The following CA4 variants were observed in gnomAD, a reference collection of about 807,000 sequenced individuals.
CA4 encodes CA-IV.
CA4 carries 24 observed loss-of-function variants against 34.5 expected under a neutral mutation model. The observed-to-expected ratio is 0.70, with a 90% confidence interval of 0.50 to 0.98. CA4 has a LOEUF of 0.98. Ranked by LOEUF, CA4 falls within the 50% of genes least tolerant of loss-of-function variation. The pLI is 0.00. For synonymous variants in CA4, 178 were observed against 170.6 expected (o/e 1.04, Z -0.34); for missense variants, 394 against 396.7 (o/e 0.99, Z 0.06).
chr17:60,156,447 C>T, intron 2 of CA4, 113 bp from the exon 3 acceptor site: 2 of 1,078,670 alleles, frequency 1.9e-6, no homozygotes, highest in Non-Finnish European at 2.9e-6. Flanking sequence ...CAGGCCACCC[C>T]AAAGCGTTTC....
At chr17:60,176,341 T>C in the CA4 span, among the ~76,000 whole-genome samples, 1 of 152,034 alleles carries the variant, frequency 6.6e-6, no homozygotes, top group Non-Finnish European at 1.5e-5. Context: ...GCCTGAGTGT[T>C]CGGTATTTTA....
chr17:60,167,549 A>C (rs1366239548), intron 5 of CA4, among the ~76,000 whole-genome samples: 1 of 152,212 alleles, frequency 6.6e-6, no homozygotes, highest in Non-Finnish European at 1.5e-5. Context: ...TAAAAGGAAA[A>C]ATGATAGCAA....
intron 2 of CA4, among the ~76,000 whole-genome samples, chr17:60,155,940 C>T (rs890040200): frequency 3.9e-5 from 6 of 152,138 alleles, no homozygotes; most frequent in Admixed American, 6.5e-5. Flanking sequence ...CTGACCAATT[C>T]GAATGCAAAC....
chr17:60,162,465 C>A (rs1197958660), downstream of CA4, among the ~76,000 whole-genome samples: 1 of 151,970 alleles, frequency 6.6e-6, no homozygotes, highest in African/African-American at 2.4e-5. Flanking sequence ...GGAGAACCCC[C>A]TTATTCACAA....
intron 4 of CA4, 46 bp downstream of exon 4, chr17:60,157,618 G>T (rs200329754): frequency 1.2e-6 from 2 of 1,613,998 alleles, no homozygotes; most frequent in Admixed American, 3.3e-5. Context: ...CTCTGGGCGC[G>T]CACCTGCCTT....
rs118027707 is a variant in CA4 at position 60,155,609 on chromosome 17, A to C, written c.112+242A>C. ...GAAACACACACACAACACACACACA[A>C]GCACACACTCAAACACTCACACTCA... On this transcript the variant is annotated intron_variant, in intron 2 of 7. Transcript: ENST00000300900. Among the ~76,000 whole-genome samples, 1,255 of 149,764 alleles carry C rather than the reference A, an allele frequency of 8.4e-3. 8 individuals carry two copies. Among genetic ancestry groups the C allele is most frequent in the Middle Eastern group, 0.017 (5 of 294 alleles).
At chr17:60,156,763 A>G (rs1319094835) in intron 3 of CA4, 48 bp downstream of exon 3, 3 of 1,553,298 alleles carry the variant, frequency 1.9e-6, no homozygotes. Context: ...CGAGTTCCCC[A>G]AGGACTGAGA....
chr17:60,150,169 T>TC, intron 1 of CA4, 77 bp downstream of exon 1: 4 of 1,258,454 alleles, frequency 3.2e-6, no homozygotes, highest in South Asian at 1.3e-5. Context: ...CTGCAGAGGA[T>TC]CCCCCCGCGG....
intron 5 of CA4, among the ~76,000 whole-genome samples, chr17:60,165,380 A>G (rs1364704089): frequency 1.3e-5 from 2 of 152,132 alleles, no homozygotes; most frequent in African/African-American, 4.8e-5. Context: ...CACCCAGAGC[A>G]TCAGAGGGAG....
At position 60,158,137 on chromosome 17, in the gene CA4, G is replaced by A. The variant is rs1490533216; in HGVS notation, c.580+10G>A. 4 of 1,612,916 alleles carry A rather than the reference G, an allele frequency of 2.5e-6. No homozygotes were observed. The highest frequency in any genetic ancestry group is 2.5e-6 in the Non-Finnish European group (3 of 1,179,174). ...AATATCCCCAAACCTGGTGAGTCAG[G>A]ATGGGGGAGAAGGGCTTGGGGTGAG... On this transcript the variant is annotated intron_variant, in intron 6 of 7. Coordinates refer to ENST00000300900, the MANE Select transcript of CA4 (RefSeq NM_000717.5).
chr17:60,176,323 T>C, the CA4 span, among the ~76,000 whole-genome samples: 1 of 152,174 alleles, frequency 6.6e-6, no homozygotes, highest in African/African-American at 2.4e-5. Flanking sequence ...TTCATTTAAT[T>C]CTTACAAGCC....
rs202224097 is a variant in CA4 at position 60,157,651 on chromosome 17, C to G, written c.415-39C>G. ...CTTGGGCAAGGAGGGTAGTCCAGGC[C>G]CTTCATAGGTCCCCTTTTCACCCCT... On this transcript the variant is annotated intron_variant, in intron 4 of 7. Coordinates refer to ENST00000300900, the MANE Select transcript of CA4 (RefSeq NM_000717.5). 3.0e-5 allele frequency: 48 copies of G among 1,611,934 alleles called. No individual in the cohort carries two copies. In the East Asian group the frequency reaches 8.2e-4, roughly 28 times the overall value.
downstream of CA4, among the ~76,000 whole-genome samples, chr17:60,161,128 G>T (rs961441974): frequency 6.6e-6 from 1 of 152,058 alleles, no homozygotes; most frequent in African/African-American, 2.4e-5. Flanking sequence ...GGTCCCTTGG[G>T]ACTTGTCAGG....
rs2083560929 is a variant in CA4 at position 60,150,105 on chromosome 17, G to T, written c.58+13G>T. ...TCGGCCAGTGCAGGTGAGCTCCCGG[G>T]CTCCGGCCCCAGGTGCCCCTCGGCG... is the stretch of plus-strand genomic sequence containing the variant. On this transcript the variant is annotated intron_variant, in intron 1 of 7. Transcript: ENST00000300900. 2.5e-6 allele frequency: 4 copies of T among 1,592,998 alleles called. No homozygotes were observed. Among genetic ancestry groups the T allele is most frequent in the Non-Finnish European group, 2.5e-6 (3 of 1,176,608 alleles).
At position 60,166,269 on chromosome 17, in the gene CA4, G is replaced by T. The variant is rs114342707; in HGVS notation, c.*179-4282G>T. On this transcript the variant is annotated intron_variant and NMD_transcript_variant, in intron 5 of 5. Transcript: ENST00000586876. ...GATTACAGGCACCTGCCACCATGCC[G>T]GGCTAACTTTCTGTATTTTTAGTAG... 8.7e-3 allele frequency among the ~76,000 whole-genome samples: 1,318 copies of T among 152,170 alleles called. 19 individuals carry two copies. The highest frequency in any genetic ancestry group is 0.03 in the African/African-American group (1,260 of 41,514).
At chr17:60,164,297 T>C (rs922005497), downstream of CA4, among the ~76,000 whole-genome samples, 2 of 151,006 alleles carry the variant, frequency 1.3e-5, no homozygotes, top group African/African-American at 4.9e-5. Flanking sequence ...TCTTTCTTTC[T>C]TTTTCTTTCT....
At chr17:60,163,192 C>T (rs998728706), downstream of CA4, among the ~76,000 whole-genome samples, 4 of 150,710 alleles carry the variant, frequency 2.7e-5, no homozygotes, top group South Asian at 6.3e-4. Context: ...GGCCCAGAGT[C>T]GTGGGGGCTG....
chr17:60,157,858 G>C (rs1303074895), intron 5 of CA4, 70 bp downstream of exon 5: 2 of 1,532,996 alleles, frequency 1.3e-6, no homozygotes, highest in Non-Finnish European at 1.8e-6. Context: ...TCAGAGACCT[G>C]GGACTCCAGC....
At chr17:60,176,388 G>A in the CA4 span, among the ~76,000 whole-genome samples, 4 of 151,694 alleles carry the variant, frequency 2.6e-5, no homozygotes, top group African/African-American at 9.7e-5. Context: ...GAGGGTGAAG[G>A]ACCTACAGCT....
Sources: gnomAD v4.1 joint callset for allele counts (sites outside exome capture counted in the v4.1 genomes callset) on GRCh38, gnomAD v4.1.1 for gene constraint, MANE v1.5 for transcripts, NCBI Gene and HGNC (gene_info 2026-07-23, HGNC 2026-07-21) for gene names.